The following ZMYM6 variants were observed in gnomAD, a reference collection of about 807,000 sequenced individuals.
ZMYM6 encodes the protein zinc finger MYM-type protein 6.
Under a neutral mutation model 134.0 loss-of-function variants are expected in ZMYM6, and 90 were observed. The ratio of observed to expected loss-of-function variants is 0.67; its 90% CI spans 0.57 to 0.80. ZMYM6 has a LOEUF of 0.80. Ranked by LOEUF, ZMYM6 falls within the 30% of genes least tolerant of loss-of-function variation. ZMYM6 has a pLI of 0.00. For synonymous variants in ZMYM6, 481 were observed against 524.1 expected, an observed-to-expected ratio of 0.92 and a Z score of 1.12; for missense variants, 1,362 against 1,533.9, an observed-to-expected ratio of 0.89 and a Z score of 1.87.
intron 13 of ZMYM6, among the ~76,000 whole-genome samples, chr1:35,004,747 A>C (rs912316015): frequency 4.6e-5 from 7 of 152,112 alleles, no homozygotes; most frequent in Admixed American, 2.0e-4. Flanking sequence ...TACATCACGT[A>C]AAGAAAGATA....
chr1:35,010,870 T>G lies in ZMYM6; in HGVS notation c.1229A>C (p.Gln410Pro). ...SIRGSAAASL[Q>P]PLAEQSQQVA... ...TTGCTGGGATTGTTCAGCAAGAGGT[T>G]GGAGGCTGGCTGCAGCAGAGCCACG... is the stretch of plus-strand genomic sequence containing the variant. Residue 410 changes from glutamine (Q) to proline (P), a missense_variant, in exon 9 of 16, where the codon CAA becomes CCA. Coordinates refer to ENST00000357182, the MANE Select transcript of ZMYM6 (RefSeq NM_007167.4). 1 of 1,614,052 alleles carries G rather than the reference T, an allele frequency of 6.2e-7. No homozygotes were observed. The highest frequency in any genetic ancestry group is 8.5e-7 in the Non-Finnish European group (1 of 1,179,962).
rs548046216 is a variant in ZMYM6, at chr1:34,995,165, A to G, written c.1993-2778T>C. 4.8e-4 allele frequency among the ~76,000 whole-genome samples: 71 copies of G among 147,864 alleles called. 2 individuals carry two copies. Among genetic ancestry groups the G allele is most frequent in the Non-Finnish European group, 9.0e-5 (6 of 66,984 alleles). On this transcript the variant is annotated intron_variant, in intron 14 of 15. Coordinates refer to ENST00000357182, the MANE Select transcript of ZMYM6 (RefSeq NM_007167.4). ...CACACACATACACACACACATATGT[A>G]TGTGTGTATATATATATATAATTCC... is the stretch of plus-strand genomic sequence containing the variant.
chr1:34,990,634 T>G (rs182145311), intron 15 of ZMYM6, among the ~76,000 whole-genome samples: 88 of 152,262 alleles, frequency 5.8e-4, no homozygotes, highest in South Asian at 1.5e-3. Flanking sequence ...TATCTAAATT[T>G]CCAATCTTAA....
intron 15 of ZMYM6, chr1:34,989,189 C>T: frequency 1.6e-6 from 2 of 1,229,194 alleles, no homozygotes; most frequent in Non-Finnish European, 2.0e-6. Flanking sequence ...TAATCCCAAG[C>T]ACCCAATAGG....
Position 35,007,113 on chromosome 1 carries a change from T to G in ZMYM6, c.1666-15A>C. 5 of 1,586,190 alleles carry G rather than the reference T, an allele frequency of 3.2e-6. No homozygotes were observed. The highest frequency in any genetic ancestry group is 4.3e-6 in the Non-Finnish European group (5 of 1,169,240). ...CACTTGGCCATCTGAAAAAGAAATGTTAGACAAGATAGGCTTAAAACTATA... is the reference window on the plus strand; with the variant it reads ...CACTTGGCCATCTGAAAAAGAAATGGTAGACAAGATAGGCTTAAAACTATA... On this transcript the variant is annotated splice_polypyrimidine_tract_variant and intron_variant, in intron 11 of 15. Coordinates refer to ENST00000357182, the MANE Select transcript of ZMYM6 (RefSeq NM_007167.4).
At chr1:35,020,318 C>T in intron 3 of ZMYM6, 65 bp downstream of exon 3, 1 of 1,405,538 alleles carries the variant, frequency 7.1e-7, no homozygotes, top group Non-Finnish European at 9.8e-7. Context: ...AGATGCTTTC[C>T]CTCAATTTTA....
chr1:35,005,066 G>T lies in ZMYM6; in HGVS notation c.1954+66C>A, dbSNP rs1640942467. 3.2e-6 allele frequency: 5 copies of T among 1,578,422 alleles called. No individual in the cohort carries two copies. In the South Asian group the frequency reaches 3.4e-5, roughly 11 times the overall value. On this transcript the variant is annotated intron_variant, in intron 13 of 15. Transcript: ENST00000357182. ...AGAGTGAAACTGTCTCAAAAAGAGA[G>T]AACTACTTAGGCTAGACAACACTCA...
intron 4 of ZMYM6, chr1:35,019,102 C>T: frequency 3.4e-6 from 2 of 586,492 alleles, no homozygotes; most frequent in East Asian, 2.8e-5. Context: ...CTGCAATTCC[C>T]ACATGTCATT....
chr1:34,986,548 TA>T lies in ZMYM6; in HGVS notation c.*555del, dbSNP rs903205475. The T allele has an allele frequency of 2.6e-4, 40 of 151,862 alleles. No individual in the cohort carries two copies. The highest frequency in any genetic ancestry group is 3.2e-3 in the Middle Eastern group (1 of 316). The allele number at this position is 151,862 out of a possible 1,614,324, so 9.4% of individuals were successfully genotyped here. On this transcript the variant is annotated 3_prime_UTR_variant, in exon 16 of 16. Coordinates refer to ENST00000357182, the MANE Select transcript of ZMYM6 (RefSeq NM_007167.4). ...CAATATGGTGAAACCCCGTCTCTAC[TA>T]AAAAAAATACAATAGACGGGCATGG...
chr1:35,005,962 G>A (rs1640958722), intron 12 of ZMYM6, among the ~76,000 whole-genome samples: 1 of 152,224 alleles, frequency 6.6e-6, no homozygotes, highest in Non-Finnish European at 1.5e-5. Context: ...CCAAAGCTCT[G>A]TCAATCAGGT....
chr1:35,026,158 T>A (rs1641410635), intron 2 of ZMYM6, among the ~76,000 whole-genome samples: 1 of 151,862 alleles, frequency 6.6e-6, no homozygotes. Context: ...GTAGCTGGGA[T>A]GACAGGCGCC....
Position 34,988,243 on chromosome 1 carries a change from C to A in ZMYM6, c.2839G>T (p.Glu947Ter). 6.5e-7 allele frequency: 1 copy of A among 1,549,872 alleles called. No homozygotes were observed. ...AAGCCAGTTATTTGAGTAGGCATTT[C>A]AATGCAAAATAATAATTCTTCTTTT... ...DVKEELLFCI[E>*]MPTQITGFEI... Residue 947 changes from glutamate to a stop codon, truncating the protein, a stop_gained, in exon 16 of 16, where the codon GAA (glutamate) becomes TAA (stop). Transcript: ENST00000357182. LOFTEE classifies it high-confidence loss of function.
intron 6 of ZMYM6, chr1:35,013,495 A>G: frequency 2.0e-6 from 2 of 985,366 alleles, no homozygotes; most frequent in Non-Finnish European, 2.4e-6. Context: ...GGGATCATAT[A>G]TAAAATAACA....
intron 4 of ZMYM6, chr1:35,019,114 G>T (rs1004033521): frequency 1.7e-6 from 1 of 603,404 alleles, no homozygotes; most frequent in Non-Finnish European, 2.9e-6. Flanking sequence ...CATGTCATTT[G>T]TTATTTCTTT....
intron 6 of ZMYM6, 140 bp from the exon 7 acceptor site, chr1:35,012,721 G>A: frequency 1.4e-6 from 2 of 1,415,744 alleles, no homozygotes; most frequent in Non-Finnish European, 9.2e-7. Context: ...CACACTATTG[G>A]GAGGTGGGAA....
intron 12 of ZMYM6, 73 bp from the exon 13 acceptor site, chr1:35,005,345 A>T (rs1256848727): frequency 1.3e-6 from 2 of 1,487,928 alleles, no homozygotes; most frequent in Non-Finnish European, 1.8e-6. Context: ...ACACTCACAC[A>T]CAAAACCCTG....
chr1:34,994,085 C>G (rs553777215), intron 14 of ZMYM6, among the ~76,000 whole-genome samples: 1 of 151,762 alleles, frequency 6.6e-6, no homozygotes, highest in East Asian at 1.9e-4. Flanking sequence ...GAGGAATGTA[C>G]TTAAAACATG....
At chr1:35,004,743 A>G (rs1479658593) in intron 13 of ZMYM6, among the ~76,000 whole-genome samples, 1 of 152,046 alleles carries the variant, frequency 6.6e-6, no homozygotes, top group Non-Finnish European at 1.5e-5. Context: ...CCCCTACATC[A>G]CGTAAAGAAA....
chr1:35,030,309 G>C (rs1000568286), intron 2 of ZMYM6: 15 of 460,920 alleles, frequency 3.3e-5, no homozygotes, highest in African/African-American at 2.8e-4. Flanking sequence ...TGTGTGCCCT[G>C]TGGTCCCAGC....
Sources: gnomAD v4.1 joint callset for allele counts (sites outside exome capture counted in the v4.1 genomes callset) on GRCh38, gnomAD v4.1.1 for gene constraint, MANE v1.5 for transcripts, NCBI Gene and HGNC (gene_info 2026-07-23, HGNC 2026-07-21) for gene names.